MAF: variants seen among roughly 807,000 people sequenced by gnomAD.
MAF encodes the protein transcription factor Maf.
A neutral mutation model predicts 22.0 loss-of-function variants in MAF; 10 were observed. That is an observed-to-expected ratio of 0.45 (90% CI 0.28 to 0.77). The LOEUF (loss-of-function observed/expected upper bound fraction) is 0.77. MAF is among the 30% of genes least tolerant of loss of function. The probability of loss-of-function intolerance (pLI) is 0.12; values close to 1 mark genes in which losing one functional copy is unlikely to be tolerated. For synonymous variants in MAF, 337 were observed against 255.8 expected (o/e 1.32, Z -3.03); for missense variants, 544 against 548.4 (o/e 0.99, Z 0.08).
chr16:79,228,896 G>A, the MAF span, among the ~76,000 whole-genome samples: 1 of 151,866 alleles, frequency 6.6e-6, no homozygotes, highest in Non-Finnish European at 1.5e-5. Flanking sequence ...TGGTACCCCA[G>A]TTCCTCCCTC....
chr16:79,567,257 G>T, the MAF span, among the ~76,000 whole-genome samples: 1 of 152,076 alleles, frequency 6.6e-6, no homozygotes, highest in African/African-American at 2.4e-5. Context: ...GACAGAGGTT[G>T]CAGTGAGCCA....
At chr16:79,256,227 A>G in the MAF span, among the ~76,000 whole-genome samples, 1 of 151,364 alleles carries the variant, frequency 6.6e-6, no homozygotes. Context: ...TGACCTCGTG[A>G]TCCGCCTGCC....
At chr16:79,467,599 A>G in the MAF span, among the ~76,000 whole-genome samples, 1 of 152,080 alleles carries the variant, frequency 6.6e-6, no homozygotes, top group Non-Finnish European at 1.5e-5. Flanking sequence ...GGTTCTCAGA[A>G]TGGGGTCCCT....
the MAF span, among the ~76,000 whole-genome samples, chr16:79,392,948 A>C: frequency 2.0e-5 from 3 of 152,216 alleles, no homozygotes; most frequent in African/African-American, 7.2e-5. Flanking sequence ...TGGTGGACTC[A>C]TTCCATTCCA....
At chr16:79,467,263 C>G in the MAF span, among the ~76,000 whole-genome samples, 7 of 152,180 alleles carry the variant, frequency 4.6e-5, no homozygotes, top group Admixed American at 6.5e-5. Flanking sequence ...AATAAAACAC[C>G]CCTATTACAG....
intron 1 of MAF, chr16:79,595,924 G>C: frequency 1.9e-6 from 2 of 1,059,364 alleles, no homozygotes; most frequent in Non-Finnish European, 2.3e-6. Flanking sequence ...CAGTGTTAAA[G>C]AGAAAAGCAA....
At chr16:79,472,495 T>C in the MAF span, among the ~76,000 whole-genome samples, 2 of 152,116 alleles carry the variant, frequency 1.3e-5, no homozygotes, top group Non-Finnish European at 1.5e-5. Context: ...CGAAAAGATA[T>C]ACTAAGTGAA....
the MAF span, among the ~76,000 whole-genome samples, chr16:79,220,076 T>G: frequency 6.6e-6 from 1 of 151,838 alleles, no homozygotes; most frequent in African/African-American, 2.4e-5. Flanking sequence ...GCCAACATGG[T>G]GGAACCCTGT....
chr16:79,329,305 G>A, the MAF span, among the ~76,000 whole-genome samples: 3 of 152,134 alleles, frequency 2.0e-5, no homozygotes, highest in East Asian at 5.8e-4. Flanking sequence ...GTAATAATCC[G>A]ACTCTAGACC....
At chr16:79,577,623 G>A in the MAF span, among the ~76,000 whole-genome samples, 28 of 152,246 alleles carry the variant, frequency 1.8e-4, no homozygotes, top group African/African-American at 6.0e-4. Flanking sequence ...TCTGCTCCAC[G>A]GAAGTTGTCT....
the MAF span, among the ~76,000 whole-genome samples, chr16:79,384,286 A>T: frequency 6.6e-6 from 1 of 151,862 alleles, no homozygotes; most frequent in Non-Finnish European, 1.5e-5. Flanking sequence ...TATACTAAAA[A>T]CATAACAAAT....
chr16:79,427,841 C>T, the MAF span, among the ~76,000 whole-genome samples: 5 of 152,084 alleles, frequency 3.3e-5, no homozygotes, highest in South Asian at 4.1e-4. Flanking sequence ...GAGAAAGAAT[C>T]TGATTTTATA....
At chr16:79,314,651 T>C in the MAF span, among the ~76,000 whole-genome samples, 1 of 152,190 alleles carries the variant, frequency 6.6e-6, no homozygotes, top group Non-Finnish European at 1.5e-5. Flanking sequence ...CTGGAGCAAA[T>C]GCCGGCTGGT....
the MAF span, among the ~76,000 whole-genome samples, chr16:79,218,564 T>C: frequency 6.6e-6 from 1 of 152,346 alleles, no homozygotes; most frequent in African/African-American, 2.4e-5. Context: ...TATTACTGTT[T>C]GTTTACAACC....
the MAF span, among the ~76,000 whole-genome samples, chr16:79,365,971 C>G: frequency 2.6e-5 from 4 of 152,330 alleles, no homozygotes; most frequent in South Asian, 8.3e-4. Context: ...ATCTACTTGC[C>G]AAGTCAACAT....
chr16:79,401,124 T>C, the MAF span, among the ~76,000 whole-genome samples: 21 of 152,300 alleles, frequency 1.4e-4, no homozygotes, highest in South Asian at 4.4e-3. Flanking sequence ...CCTGCTTCAT[T>C]TGGGACAGGG....
the MAF span, among the ~76,000 whole-genome samples, chr16:79,260,637 A>G: frequency 2.0e-5 from 3 of 152,226 alleles, no homozygotes; most frequent in Non-Finnish European, 2.9e-5. Context: ...TCTTGAGTGA[A>G]TAAGTGCTGC....
chr16:79,489,919 T>C, the MAF span, among the ~76,000 whole-genome samples: 1 of 151,906 alleles, frequency 6.6e-6, no homozygotes. Flanking sequence ...AGCTGAGCAG[T>C]GATGAAGGCC....
chr16:79,311,072 C>T, the MAF span, among the ~76,000 whole-genome samples: 241 of 151,642 alleles, frequency 1.6e-3, 1 homozygote, highest in African/African-American at 5.3e-3. Flanking sequence ...ACTCCCTCAG[C>T]ACTGGCCTCC....
Sources: gnomAD v4.1 joint callset for allele counts (sites outside exome capture counted in the v4.1 genomes callset) on GRCh38, gnomAD v4.1.1 for gene constraint, MANE v1.5 for transcripts, NCBI Gene and HGNC (gene_info 2026-07-23, HGNC 2026-07-21) for gene names.